Variants in DPP6 observed in about 807,000 individuals in gnomAD.
DPP6 encodes A-type potassium channel modulatory protein DPP6.
DPP6 carries 69 observed loss-of-function variants against 122.6 expected under a neutral mutation model. The observed-to-expected ratio is 0.56, with a 90% CI of 0.46 to 0.69. DPP6 has a LOEUF of 0.69. Among genes scored for constraint, DPP6 ranks in the 30% least tolerant of loss-of-function variants. The pLI is 0.00. For synonymous variants in DPP6, 418 were observed against 433.1 expected (o/e 0.97, Z 0.43); for missense variants, 928 against 1,116.9 (o/e 0.83, Z 2.41).
At chr7:154,860,877 G>A (rs983535565) in intron 17 of DPP6, among the ~76,000 whole-genome samples, 16 of 152,236 alleles carry the variant, frequency 1.1e-4, no homozygotes, top group African/African-American at 3.4e-4. Flanking sequence ...GGTTGGGGCC[G>A]TCCAGCAAAT....
At chr7:154,510,858 G>T (rs948273431) in intron 3 of DPP6, among the ~76,000 whole-genome samples, 1 of 151,712 alleles carries the variant, frequency 6.6e-6, no homozygotes, top group East Asian at 1.9e-4. Flanking sequence ...TCTTGATAAA[G>T]CATGTGCTTG....
At chr7:154,141,431 G>A (rs62487196) in intron 1 of DPP6, among the ~76,000 whole-genome samples, 36,375 of 152,070 alleles carry the variant, frequency 0.24, 4,828 homozygotes, top group East Asian at 0.4. Flanking sequence ...CAGGGTTTCA[G>A]TTCTGTCTTG....
chr7:154,805,967 T>C (rs1798669399), intron 15 of DPP6, among the ~76,000 whole-genome samples: 1 of 152,222 alleles, frequency 6.6e-6, no homozygotes, highest in African/African-American at 2.4e-5. Context: ...TGCCAATGCC[T>C]GTTGCCCCCG....
the DPP6 span, among the ~76,000 whole-genome samples, chr7:153,835,843 T>A: frequency 6.6e-6 from 1 of 152,120 alleles, no homozygotes. Context: ...AAACTGCACT[T>A]CCAGTTCACT....
chr7:154,182,668 C>T (rs984977003), intron 1 of DPP6, among the ~76,000 whole-genome samples: 3 of 151,976 alleles, frequency 2.0e-5, no homozygotes, highest in African/African-American at 7.2e-5. Flanking sequence ...GGTGAAGTAT[C>T]CTCCGTCTTC....
intron 8 of DPP6, among the ~76,000 whole-genome samples, chr7:154,749,287 A>G: frequency 7.4e-6 from 1 of 134,550 alleles, no homozygotes; most frequent in Non-Finnish European, 1.6e-5. Context: ...CAGGAGGGAG[A>G]GGGATGGCGG....
chr7:153,922,587 A>C (rs1487745438), intron 1 of DPP6, among the ~76,000 whole-genome samples: 1 of 152,184 alleles, frequency 6.6e-6, no homozygotes, highest in South Asian at 2.1e-4. Context: ...AATTCTATAC[A>C]TATTTTTATG....
At chr7:153,999,035 A>T (rs1797570384) in intron 1 of DPP6, among the ~76,000 whole-genome samples, 1 of 152,216 alleles carries the variant, frequency 6.6e-6, no homozygotes, top group Non-Finnish European at 1.5e-5. Flanking sequence ...GATTCCTTCC[A>T]GGTGAAGCGC....
intron 1 of DPP6, among the ~76,000 whole-genome samples, chr7:154,002,142 A>G (rs1797717850): frequency 6.6e-6 from 1 of 152,218 alleles, no homozygotes; most frequent in Non-Finnish European, 1.5e-5. Flanking sequence ...AAGAGGAGGA[A>G]ACAGGAAGAT....
chr7:154,310,440 A>T (rs972203928), intron 1 of DPP6, among the ~76,000 whole-genome samples: 2 of 152,268 alleles, frequency 1.3e-5, no homozygotes, highest in East Asian at 3.8e-4. Context: ...AGCCCAGGCA[A>T]TTGAGAGCAA....
At chr7:154,794,287 C>A in intron 11 of DPP6, 85 bp downstream of exon 11, 1 of 1,451,596 alleles carries the variant, frequency 6.9e-7, no homozygotes, top group South Asian at 1.4e-5. Context: ...GTCGTCTCAG[C>A]CCTCGGGCCT....
intron 1 of DPP6, among the ~76,000 whole-genome samples, chr7:153,940,352 C>A (rs1403238481): frequency 1.3e-5 from 2 of 152,068 alleles, no homozygotes; most frequent in African/African-American, 4.8e-5. Context: ...CAAAACACGC[C>A]GCAACTTAAG....
At chr7:153,968,430 A>T (rs1260835841) in intron 1 of DPP6, among the ~76,000 whole-genome samples, 1 of 152,114 alleles carries the variant, frequency 6.6e-6, no homozygotes, top group African/African-American at 2.4e-5. Context: ...TTTATTTTAA[A>T]TTCCTTGTAG....
chr7:154,105,067 C>T (rs1282893593), intron 1 of DPP6, among the ~76,000 whole-genome samples: 1 of 152,202 alleles, frequency 6.6e-6, no homozygotes, highest in Non-Finnish European at 1.5e-5. Context: ...GTCAAGGCTG[C>T]ACTGAGCCAT....
At chr7:154,028,505 T>C (rs1404871446) in intron 1 of DPP6, among the ~76,000 whole-genome samples, 1 of 151,626 alleles carries the variant, frequency 6.6e-6, no homozygotes, top group South Asian at 2.1e-4. Context: ...GGGACTGTCA[T>C]CGATGTGCAC....
intron 1 of DPP6, among the ~76,000 whole-genome samples, chr7:154,261,316 T>G (rs1353549467): frequency 6.6e-6 from 1 of 152,234 alleles, no homozygotes; most frequent in African/African-American, 2.4e-5. Flanking sequence ...ATTTATTTGC[T>G]GGGATAATTG....
At chr7:154,892,189 T>G in intron 25 of DPP6, 145 bp from the exon 26 acceptor site, 1 of 1,037,140 alleles carries the variant, frequency 9.6e-7, no homozygotes, top group Non-Finnish European at 1.4e-6. Flanking sequence ...CCATCAGGAG[T>G]GGCATGGTTA....
At chr7:154,181,811 G>A (rs1430791208) in intron 1 of DPP6, among the ~76,000 whole-genome samples, 4 of 148,564 alleles carry the variant, frequency 2.7e-5, no homozygotes. Context: ...GTTCAGTGGT[G>A]CAATCTTGGC....
chr7:153,849,571 C>T, the DPP6 span, among the ~76,000 whole-genome samples: 1 of 152,006 alleles, frequency 6.6e-6, no homozygotes, highest in African/African-American at 2.4e-5. Context: ...TTTGAAATGC[C>T]ATAAAAACTA....
Sources: gnomAD v4.1 joint callset for allele counts (sites outside exome capture counted in the v4.1 genomes callset) on GRCh38, gnomAD v4.1.1 for gene constraint, MANE v1.5 for transcripts, NCBI Gene and HGNC (gene_info 2026-07-23, HGNC 2026-07-21) for gene names.